Variants in ZFHX3 observed in about 807,000 individuals in gnomAD.
ZFHX3 encodes zinc finger homeobox protein 3.
ZFHX3 carries 42 observed loss-of-function variants against 279.1 expected under a neutral mutation model. The ratio of observed to expected loss-of-function variants is 0.15; its 90% CI spans 0.12 to 0.19. The LOEUF is 0.19. Ranked by LOEUF, ZFHX3 falls within the 10% of genes least tolerant of loss-of-function variation. ZFHX3 has a pLI of 1.00. For synonymous variants in ZFHX3, 2,293 were observed against 1,957.8 expected (o/e 1.17, Z -4.52); for missense variants, 4,981 against 4,754.0 (o/e 1.05, Z -1.40).
intron 4 of ZFHX3, among the ~76,000 whole-genome samples, chr16:72,870,717 CAA>C (rs71156125): frequency 3.9e-5 from 4 of 101,542 alleles, no homozygotes. Context: ...GACTCTGTCT[CAA>C]AAAAAAAAAA....
intron 3 of ZFHX3, among the ~76,000 whole-genome samples, chr16:73,409,768 A>G (rs927886759): frequency 6.6e-6 from 1 of 152,240 alleles, no homozygotes; most frequent in Non-Finnish European, 1.5e-5. Flanking sequence ...ACAATGGAGT[A>G]CTATTCAACC....
chr16:72,890,215 T>C lies in ZFHX3; in HGVS notation c.3217-253A>G, dbSNP rs1227495923. ...GGAGGTGATTAGAATATGGGGGTGG[T>C]TCCCCCATGCTGTTCTTGTGATACT... On this transcript the variant is annotated intron_variant, in intron 3 of 9. Transcript: ENST00000268489. 2.0e-5 allele frequency among the ~76,000 whole-genome samples: 3 copies of C among 152,150 alleles called. No homozygotes were observed. The East Asian group carries it at 5.8e-4, about 29-fold the overall frequency.
intron 2 of ZFHX3, among the ~76,000 whole-genome samples, chr16:73,514,930 C>T (rs1161145222): frequency 3.9e-5 from 6 of 152,224 alleles, no homozygotes; most frequent in South Asian, 4.2e-4. Flanking sequence ...CCCACATATG[C>T]GGTGATAAAC....
intron 7 of ZFHX3, among the ~76,000 whole-genome samples, chr16:73,100,218 T>A (rs1354296352): frequency 6.6e-6 from 1 of 152,114 alleles, no homozygotes; most frequent in African/African-American, 2.4e-5. Context: ...GTTGAGCTAG[T>A]GAGCAGAGAA....
At chr16:72,996,178 G>A (rs1368433728) in intron 1 of ZFHX3, among the ~76,000 whole-genome samples, 1 of 152,062 alleles carries the variant, frequency 6.6e-6, no homozygotes, top group African/African-American at 2.4e-5. Context: ...CAGCTACTCA[G>A]GAGGCTCAGG....
intron 4 of ZFHX3, among the ~76,000 whole-genome samples, chr16:72,844,315 C>T (rs543029453): frequency 6.6e-6 from 1 of 152,298 alleles, no homozygotes; most frequent in East Asian, 1.9e-4. Flanking sequence ...TCTCCTCGCT[C>T]CAAATAATCT....
At chr16:73,687,002 T>G (rs2053091875) in intron 1 of ZFHX3, among the ~76,000 whole-genome samples, 1 of 90,616 alleles carries the variant, frequency 1.1e-5, no homozygotes, top group African/African-American at 4.2e-5. Flanking sequence ...ATATATATAT[T>G]TGCAGCTAAA....
chr16:73,356,123 C>T (rs2143299157), intron 3 of ZFHX3, among the ~76,000 whole-genome samples: 1 of 152,312 alleles, frequency 6.6e-6, no homozygotes, highest in East Asian at 1.9e-4. Context: ...AGCCAAGAAA[C>T]CAACCAGGTT....
chr16:73,682,559 G>A (rs989680633), intron 1 of ZFHX3, among the ~76,000 whole-genome samples: 3 of 152,028 alleles, frequency 2.0e-5, no homozygotes, highest in Non-Finnish European at 4.4e-5. Flanking sequence ...GCCGAGGTGG[G>A]TGGATCACCT....
At chr16:73,352,549 G>A (rs749899463) in intron 3 of ZFHX3, among the ~76,000 whole-genome samples, 6 of 127,404 alleles carry the variant, frequency 4.7e-5, no homozygotes, top group African/African-American at 1.5e-4. Context: ...GCAAGATCAC[G>A]ACTCACTGCA....
intron 1 of ZFHX3, among the ~76,000 whole-genome samples, chr16:73,887,893 T>A (rs2030401142): frequency 6.6e-6 from 1 of 152,154 alleles, no homozygotes; most frequent in Non-Finnish European, 1.5e-5. Context: ...CTCTTTGGAA[T>A]GATGAGCAAA....
intron 3 of ZFHX3, among the ~76,000 whole-genome samples, chr16:73,332,066 T>C (rs994594645): frequency 1.3e-5 from 2 of 152,240 alleles, no homozygotes; most frequent in Non-Finnish European, 2.9e-5. Context: ...GTGGCTTTTA[T>C]AGAGCCTGAT....
chr16:72,888,876 T>C (rs540347434), intron 4 of ZFHX3, among the ~76,000 whole-genome samples: 2 of 152,192 alleles, frequency 1.3e-5, no homozygotes, highest in Non-Finnish European at 2.9e-5. Context: ...GAAGATTCTG[T>C]TGTAGAGACA....
At chr16:73,055,331 T>C (rs1429590840) in intron 1 of ZFHX3, among the ~76,000 whole-genome samples, 1 of 152,078 alleles carries the variant, frequency 6.6e-6, no homozygotes, top group African/African-American at 2.4e-5. Flanking sequence ...CCTATGTCTA[T>C]GCAGGCATAG....
intron 5 of ZFHX3, among the ~76,000 whole-genome samples, chr16:73,186,829 T>C (rs544308120): frequency 5.9e-5 from 9 of 152,318 alleles, no homozygotes; most frequent in African/African-American, 1.7e-4. Context: ...GTCATCACTC[T>C]TGGAAAATGT....
chr16:72,831,774 A>G (rs1243877390), intron 4 of ZFHX3, among the ~76,000 whole-genome samples: 1 of 152,222 alleles, frequency 6.6e-6, no homozygotes, highest in Non-Finnish European at 1.5e-5. Flanking sequence ...TACCCAGATG[A>G]GCTAGGTCCC....
chr16:72,818,234 T>C (rs2036672405), intron 5 of ZFHX3, among the ~76,000 whole-genome samples: 1 of 152,128 alleles, frequency 6.6e-6, no homozygotes, highest in African/African-American at 2.4e-5. Flanking sequence ...CCATAGCTCC[T>C]CTCTCTCAGC....
chr16:73,440,664 C>T (rs2018076872), intron 3 of ZFHX3, among the ~76,000 whole-genome samples: 1 of 152,174 alleles, frequency 6.6e-6, no homozygotes, highest in African/African-American at 2.4e-5. Context: ...GCAGCTAATT[C>T]CAATTCACCA....
intron 1 of ZFHX3, among the ~76,000 whole-genome samples, chr16:72,994,427 T>A (rs1034025330): frequency 1.3e-5 from 2 of 152,216 alleles, no homozygotes; most frequent in Admixed American, 6.5e-5. Flanking sequence ...ATTTCTGGGA[T>A]TCCCCCAAGA....
Sources: allele counts gnomAD v4.1 joint callset (sites outside exome capture counted in the v4.1 genomes callset), GRCh38; gene constraint gnomAD v4.1.1; transcripts MANE v1.5; gene names NCBI Gene and HGNC (gene_info 2026-07-23, HGNC 2026-07-21).